The following TAOK1 variants were observed in gnomAD, a reference collection of about 807,000 sequenced individuals.
The protein encoded by TAOK1 is serine/threonine-protein kinase TAO1.
In TAOK1, 21 loss-of-function variants were observed where a neutral mutation model predicts 138.3. The observed-to-expected ratio is 0.15, with a 90% CI of 0.11 to 0.22. TAOK1 has a LOEUF of 0.22. Ranked by LOEUF, TAOK1 falls within the 10% of genes least tolerant of loss-of-function variation. TAOK1 has a pLI of 1.00. For missense variants in TAOK1, 651 were observed against 1,227.7 expected, an observed-to-expected ratio of 0.53 and a Z score of 7.02; for synonymous variants, 361 against 398.4, an observed-to-expected ratio of 0.91 and a Z score of 1.12.
chr17:29,465,425 C>T (rs1432338268), intron 2 of TAOK1, among the ~76,000 whole-genome samples: 2 of 152,016 alleles, frequency 1.3e-5, no homozygotes, highest in Admixed American at 6.6e-5. Flanking sequence ...GCTGGGATTA[C>T]AGGTGTGAGT....
intron 1 of TAOK1, among the ~76,000 whole-genome samples, chr17:29,407,444 T>C (rs1905024685): frequency 6.6e-6 from 1 of 152,100 alleles, no homozygotes; most frequent in African/African-American, 2.4e-5. Flanking sequence ...GATAATCTTT[T>C]TTTATTTTTA....
chr17:29,464,443 C>CAA (rs375412745), intron 2 of TAOK1, among the ~76,000 whole-genome samples: 7 of 60,526 alleles, frequency 1.2e-4, no homozygotes, highest in Admixed American at 2.0e-4. Flanking sequence ...GACTCCATCT[C>CAA]AAAAAAAAAA....
chr17:29,408,966 G>A (rs1468243438), intron 1 of TAOK1, among the ~76,000 whole-genome samples: 1 of 152,024 alleles, frequency 6.6e-6, no homozygotes, highest in Non-Finnish European at 1.5e-5. Context: ...ACCCGCCTCA[G>A]CCTCCCAAGA....
intron 9 of TAOK1, among the ~76,000 whole-genome samples, chr17:29,491,003 G>C (rs1320731414): frequency 2.0e-5 from 3 of 152,150 alleles, no homozygotes; most frequent in Admixed American, 2.0e-4. Context: ...TGGAGATTAA[G>C]TTTCAACATC....
At chr17:29,406,695 C>G (rs1352410809) in intron 1 of TAOK1, among the ~76,000 whole-genome samples, 2 of 151,216 alleles carry the variant, frequency 1.3e-5, no homozygotes, top group Admixed American at 1.3e-4. Flanking sequence ...CCCACCCCCC[C>G]AACTAAGCAG....
At chr17:29,391,634 G>A (rs149543244) in intron 1 of TAOK1, among the ~76,000 whole-genome samples, 1 of 152,154 alleles carries the variant, frequency 6.6e-6, no homozygotes, top group African/African-American at 2.4e-5. Context: ...CCCTTGAAAA[G>A]GTTACTCTTT....
intron 10 of TAOK1, among the ~76,000 whole-genome samples, chr17:29,493,494 G>GA (rs1219822637): frequency 0.017 from 2,083 of 124,166 alleles, 45 homozygotes; most frequent in African/African-American, 0.051. Context: ...GCTCCATCTC[G>GA]AAAAAAAAAA....
chr17:29,496,579 CTTTTTTTTTTTTT>C (rs748595265), intron 11 of TAOK1, among the ~76,000 whole-genome samples: 8 of 87,858 alleles, frequency 9.1e-5, no homozygotes, highest in South Asian at 4.4e-4. Flanking sequence ...CCATCTACAC[CTTTTTTTTTTTTT>C]TTTTTTTTTT....
At chr17:29,443,306 ATTATCAGTACCTTCCCCCATC>A (rs1486628536) in intron 1 of TAOK1, among the ~76,000 whole-genome samples, 3 of 152,214 alleles carry the variant, frequency 2.0e-5, no homozygotes, top group Admixed American at 6.5e-5. Flanking sequence ...ATGTGCTGTA[ATTATCAGTACCTTCCCCCATC>A]TTCTTTTTGT....
intron 10 of TAOK1, among the ~76,000 whole-genome samples, chr17:29,494,224 G>A (rs1166938252): frequency 1.3e-5 from 2 of 152,020 alleles, no homozygotes; most frequent in East Asian, 1.9e-4. Context: ...TAATACTTAT[G>A]ACTGTGAAAA....
intron 12 of TAOK1, 42 bp from the exon 13 acceptor site, chr17:29,502,547 C>G: frequency 6.4e-7 from 1 of 1,566,042 alleles, no homozygotes; most frequent in Non-Finnish European, 8.6e-7. Context: ...TTCAAACAAA[C>G]TGTTCACCTT....
intron 2 of TAOK1, among the ~76,000 whole-genome samples, chr17:29,459,302 C>T (rs1311906983): frequency 2.6e-5 from 4 of 151,930 alleles, no homozygotes; most frequent in Admixed American, 1.3e-4. Flanking sequence ...GCATTTGTTG[C>T]TCTCTGGTAA....
At chr17:29,504,420 A>G (rs544726095) in intron 13 of TAOK1, among the ~76,000 whole-genome samples, 126 of 152,156 alleles carry the variant, frequency 8.3e-4, no homozygotes, top group African/African-American at 3.0e-3. Context: ...CTGTAATCCC[A>G]GCACTTTGGG....
chr17:29,499,227 A>ATAT (rs2031468680), intron 12 of TAOK1, among the ~76,000 whole-genome samples: 1 of 140,332 alleles, frequency 7.1e-6, no homozygotes, highest in African/African-American at 2.8e-5. Context: ...TAATGTTTAT[A>ATAT]TCTTTTTTTT....
intron 1 of TAOK1, among the ~76,000 whole-genome samples, chr17:29,391,594 G>A (rs1238422618): frequency 1.3e-5 from 2 of 152,212 alleles, no homozygotes; most frequent in African/African-American, 4.8e-5. Flanking sequence ...CAGAAGGGAG[G>A]GGGAGCAGGA....
At chr17:29,527,609 G>A (rs2032033441) in intron 17 of TAOK1, among the ~76,000 whole-genome samples, 1 of 152,210 alleles carries the variant, frequency 6.6e-6, no homozygotes, top group African/African-American at 2.4e-5. Context: ...CATATTTAAT[G>A]TTGTAGTATT....
chr17:29,419,973 G>C (rs919009697), intron 1 of TAOK1, among the ~76,000 whole-genome samples: 1 of 151,806 alleles, frequency 6.6e-6, no homozygotes, highest in Non-Finnish European at 1.5e-5. Context: ...TCAACCTCCC[G>C]GGCTCAATTG....
chr17:29,417,838 A>G (rs940701360), intron 1 of TAOK1, among the ~76,000 whole-genome samples: 1 of 152,078 alleles, frequency 6.6e-6, no homozygotes. Context: ...TCTTTCACAG[A>G]GCAGAAGTTT....
chr17:29,422,688 G>GT (rs1412525856), intron 1 of TAOK1, among the ~76,000 whole-genome samples: 1 of 152,154 alleles, frequency 6.6e-6, no homozygotes, highest in Non-Finnish European at 1.5e-5. Context: ...CTGGTAATTT[G>GT]TTTCTTCTTT....
Sources: allele counts gnomAD v4.1 joint callset (sites outside exome capture counted in the v4.1 genomes callset), GRCh38; gene constraint gnomAD v4.1.1; transcripts MANE v1.5; gene names NCBI Gene and HGNC (gene_info 2026-07-23, HGNC 2026-07-21).